The following FBXW4 variants were observed in gnomAD, a reference collection of about 807,000 sequenced individuals.
FBXW4 encodes F-box/WD repeat-containing protein 4.
Under a neutral mutation model 61.8 loss-of-function variants are expected in FBXW4, and 40 were observed. The ratio of observed to expected loss-of-function variants is 0.65; its 90% CI spans 0.50 to 0.84. The LOEUF is 0.84. Ranked by LOEUF, FBXW4 falls within the 40% of genes least tolerant of loss-of-function variation. The pLI is 0.00. For missense variants in FBXW4, 672 were observed against 753.8 expected, an observed-to-expected ratio of 0.89 and a Z score of 1.27; for synonymous variants, 311 against 313.8, an observed-to-expected ratio of 0.99 and a Z score of 0.10.
chr10:101,674,448 A>C (rs2064388923), intron 2 of FBXW4, among the ~76,000 whole-genome samples: 2 of 152,192 alleles, frequency 1.3e-5, no homozygotes, highest in African/African-American at 4.8e-5. Flanking sequence ...TCCCATACAT[A>C]CCTCTTCCGC....
chr10:101,643,253 C>A (rs977252621), intron 5 of FBXW4, among the ~76,000 whole-genome samples: 1 of 152,226 alleles, frequency 6.6e-6, no homozygotes, highest in Non-Finnish European at 1.5e-5. Context: ...ACTCCTAGCC[C>A]AGGCCCAGTA....
At chr10:101,630,002 G>C (rs999059370) in intron 5 of FBXW4, among the ~76,000 whole-genome samples, 2 of 152,126 alleles carry the variant, frequency 1.3e-5, no homozygotes, top group Non-Finnish European at 2.9e-5. Flanking sequence ...TCTGAGCCTG[G>C]GCTGACACAC....
intron 5 of FBXW4, among the ~76,000 whole-genome samples, chr10:101,631,898 A>G (rs1286844030): frequency 6.6e-6 from 1 of 152,310 alleles, no homozygotes; most frequent in East Asian, 1.9e-4. Context: ...AAGTGCTGGG[A>G]TTATAGGCGT....
At chr10:101,631,951 A>G (rs946662092) in intron 5 of FBXW4, among the ~76,000 whole-genome samples, 1 of 152,154 alleles carries the variant, frequency 6.6e-6, no homozygotes, top group Admixed American at 6.5e-5. Flanking sequence ...ATAAGAGAAA[A>G]GACAACATAA....
At chr10:101,672,853 C>T in intron 4 of FBXW4, 62 bp downstream of exon 4, 1 of 1,567,174 alleles carries the variant, frequency 6.4e-7, no homozygotes, top group Non-Finnish European at 8.7e-7. Context: ...ACTCAGGGAT[C>T]TATCCACCCC....
At chr10:101,670,319 C>T (rs1276735162) in intron 4 of FBXW4, among the ~76,000 whole-genome samples, 1 of 152,196 alleles carries the variant, frequency 6.6e-6, no homozygotes, top group Non-Finnish European at 1.5e-5. Context: ...TTAATGGTAA[C>T]TTCTTAGCTT....
intron 6 of FBXW4, among the ~76,000 whole-genome samples, chr10:101,621,874 A>G (rs774069901): frequency 2.0e-5 from 3 of 152,166 alleles, no homozygotes; most frequent in Admixed American, 1.3e-4. Context: ...GTTTTCAGAT[A>G]TTTAAAAGTC....
At chr10:101,635,426 AC>A (rs1324786987) in intron 5 of FBXW4, among the ~76,000 whole-genome samples, 1 of 149,506 alleles carries the variant, frequency 6.7e-6, no homozygotes, top group African/African-American at 2.5e-5. Context: ...CCCCCCTCCC[AC>A]CCCCGAGGCT....
Position 101,673,064 on chromosome 10 carries a change from G to A in FBXW4, c.1008-17C>T, listed in dbSNP as rs368202747. 5.6e-6 allele frequency: 9 copies of A among 1,609,718 alleles called. No individual in the cohort carries two copies. The highest frequency in any genetic ancestry group is 7.6e-6 in the Non-Finnish European group (9 of 1,179,006). On this transcript the variant is annotated splice_polypyrimidine_tract_variant and intron_variant, in intron 3 of 8. Coordinates refer to ENST00000331272, the MANE Select transcript of FBXW4 (RefSeq NM_022039.4). ...TTCCCATCCCTAGGAGAGAAATAAG[G>A]AGCCGACCCCCAAGAACCAATTATT...
intron 1 of FBXW4, among the ~76,000 whole-genome samples, chr10:101,691,066 C>G (rs1388848575): frequency 1.3e-5 from 2 of 152,022 alleles, no homozygotes; most frequent in African/African-American, 4.8e-5. Context: ...AAACCTAGGG[C>G]CAGTGAGGTT....
At chr10:101,628,480 T>C (rs1431220787) in intron 5 of FBXW4, among the ~76,000 whole-genome samples, 1 of 152,156 alleles carries the variant, frequency 6.6e-6, no homozygotes, top group Non-Finnish European at 1.5e-5. Flanking sequence ...TCTAGCACAG[T>C]GCCTGGCCCA....
intron 5 of FBXW4, among the ~76,000 whole-genome samples, chr10:101,665,147 T>C (rs1482503893): frequency 6.6e-6 from 1 of 152,134 alleles, no homozygotes; most frequent in Admixed American, 6.6e-5. Context: ...GAAATGGATC[T>C]AATAATGAGG....
chr10:101,655,951 T>C (rs1054557360), intron 5 of FBXW4, among the ~76,000 whole-genome samples: 1 of 152,120 alleles, frequency 6.6e-6, no homozygotes, highest in African/African-American at 2.4e-5. Flanking sequence ...CCCCAATCAA[T>C]GAAGAAGCGA....
intron 5 of FBXW4, among the ~76,000 whole-genome samples, chr10:101,643,053 G>A (rs1012462201): frequency 1.3e-5 from 2 of 152,188 alleles, no homozygotes; most frequent in East Asian, 3.8e-4. Flanking sequence ...CTCAGAAATA[G>A]GAGAAGGCAG....
chr10:101,635,975 T>A (rs1350455294), intron 5 of FBXW4, among the ~76,000 whole-genome samples: 1 of 151,740 alleles, frequency 6.6e-6, no homozygotes, highest in Non-Finnish European at 1.5e-5. Context: ...GGTAGATAAA[T>A]GAGTGAAAAC....
intron 5 of FBXW4, chr10:101,660,093 G>A (rs1191063363): frequency 2.0e-6 from 2 of 985,438 alleles, no homozygotes; most frequent in Admixed American, 1.2e-4. Context: ...GGCGGGAGGG[G>A]TCGGAGTCAG....
At chr10:101,614,979 G>A (rs1334787297) in intron 6 of FBXW4, among the ~76,000 whole-genome samples, 2 of 152,140 alleles carry the variant, frequency 1.3e-5, no homozygotes, top group Non-Finnish European at 2.9e-5. Context: ...CCCGACAATA[G>A]CCCCAAACTT....
At chr10:101,686,859 G>A (rs2064539193) in intron 1 of FBXW4, among the ~76,000 whole-genome samples, 1 of 152,010 alleles carries the variant, frequency 6.6e-6, no homozygotes, top group Admixed American at 6.5e-5. Flanking sequence ...TCCAAGATAA[G>A]GGATGAAGTT....
At chr10:101,641,116 C>T (rs971455586) in intron 5 of FBXW4, among the ~76,000 whole-genome samples, 1 of 152,212 alleles carries the variant, frequency 6.6e-6, no homozygotes, top group Non-Finnish European at 1.5e-5. Context: ...CAGGCATGAG[C>T]CACCGCGCCC....
Sources: gnomAD v4.1 joint callset for allele counts (sites outside exome capture counted in the v4.1 genomes callset) on GRCh38, gnomAD v4.1.1 for gene constraint, MANE v1.5 for transcripts, NCBI Gene and HGNC (gene_info 2026-07-23, HGNC 2026-07-21) for gene names.